CDH10: variants seen among roughly 807,000 people sequenced by gnomAD.
CDH10 encodes cadherin 10.
A neutral mutation model predicts 73.1 loss-of-function variants in CDH10; 30 were observed. The ratio of observed to expected loss-of-function variants is 0.41; its 90% confidence interval spans 0.31 to 0.56. CDH10 has a LOEUF of 0.56. CDH10 is among the 20% of genes least tolerant of loss of function. CDH10 has a pLI of 0.27. For synonymous variants in CDH10, 345 were observed against 348.2 expected (o/e 0.99, Z 0.10); for missense variants, 815 against 973.7 (o/e 0.84, Z 2.17).
rs1431757404 is a variant in CDH10 at position 24,587,600 on chromosome 5, G to A, written c.231+5660C>T. Among the ~76,000 whole-genome samples the A allele has an allele frequency of 5.8e-4, 88 of 152,030 alleles. 1 individual carries two copies. The highest frequency in any genetic ancestry group is 5.8e-3 in the Admixed American group (88 of 15,258). Reference sequence around the variant, plus strand: ...CAAAATTTATGTGAGATTTAATACAGTTTTCATTTACCAAGATTTCTCTTG... The same window carrying A: ...CAAAATTTATGTGAGATTTAATACAATTTTCATTTACCAAGATTTCTCTTG... On this transcript the variant is annotated intron_variant, in intron 2 of 11. Coordinates refer to ENST00000264463, the MANE Select transcript of CDH10 (RefSeq NM_006727.5).
At chr5:24,559,722 T>C (rs1744888403) in intron 2 of CDH10, among the ~76,000 whole-genome samples, 1 of 152,024 alleles carries the variant, frequency 6.6e-6, no homozygotes, top group Admixed American at 6.6e-5. Flanking sequence ...TGATTGAAAA[T>C]GATGCTTTGA....
At chr5:24,505,749 G>A (rs113823852) in intron 7 of CDH10, among the ~76,000 whole-genome samples, 3 of 152,134 alleles carry the variant, frequency 2.0e-5, no homozygotes, top group African/African-American at 7.2e-5. Flanking sequence ...TAACACCCAC[G>A]TAGCTTCAGT....
At chr5:24,594,700 T>A (rs1294140669) in intron 1 of CDH10, among the ~76,000 whole-genome samples, 1 of 151,968 alleles carries the variant, frequency 6.6e-6, no homozygotes, top group Admixed American at 6.6e-5. Context: ...TTCCTGTAGA[T>A]GTTCACTTAG....
chr5:24,552,578 G>A (rs1438177595), intron 2 of CDH10, among the ~76,000 whole-genome samples: 3 of 151,530 alleles, frequency 2.0e-5, no homozygotes, highest in South Asian at 2.1e-4. Flanking sequence ...CATTAATTTC[G>A]AACTTTGTCA....
At chr5:24,626,419 T>C (rs1316026323) in intron 1 of CDH10, among the ~76,000 whole-genome samples, 1 of 152,100 alleles carries the variant, frequency 6.6e-6, no homozygotes, top group Non-Finnish European at 1.5e-5. Context: ...AAAGGGACAA[T>C]AATCACGATG....
chr5:24,541,921 C>G (rs2111913995), intron 2 of CDH10, among the ~76,000 whole-genome samples: 1 of 152,026 alleles, frequency 6.6e-6, no homozygotes, highest in East Asian at 1.9e-4. Flanking sequence ...GTCATTTTCC[C>G]ATTGTTTAAC....
rs377013554 is a variant in CDH10 at position 24,537,678 on chromosome 5, G to A, written c.232-4C>T. The A allele has an allele frequency of 6.4e-7, 1 of 1,558,224 alleles. No homozygotes were observed. The highest frequency in any genetic ancestry group is 8.8e-7 in the Non-Finnish European group (1 of 1,141,770). ...CTTTATCTTGGTCTGAATGTAGCTA[G>A]GGGAAATAAAAAAGAGTATATCCAT... On this transcript the variant is annotated splice_polypyrimidine_tract_variant and splice_region_variant and intron_variant, in intron 2 of 11. Coordinates refer to ENST00000264463, the MANE Select transcript of CDH10 (RefSeq NM_006727.5).
intron 1 of CDH10, among the ~76,000 whole-genome samples, chr5:24,614,806 G>A (rs975458085): frequency 2.2e-4 from 33 of 152,006 alleles, no homozygotes; most frequent in South Asian, 2.1e-4. Flanking sequence ...TGTTTATGTC[G>A]CATTTGCTTC....
chr5:24,626,765 C>T (rs1253114493), intron 1 of CDH10, among the ~76,000 whole-genome samples: 2 of 149,666 alleles, frequency 1.3e-5, no homozygotes, highest in African/African-American at 2.5e-5. Flanking sequence ...CAGAGCAAGA[C>T]TCTGTCTCAA....
intron 2 of CDH10, among the ~76,000 whole-genome samples, chr5:24,586,496 G>A (rs1746003510): frequency 7.0e-6 from 1 of 142,612 alleles, no homozygotes; most frequent in Admixed American, 7.2e-5. Flanking sequence ...CTGGAGTGGT[G>A]CATTGGGGCA....
intron 5 of CDH10, among the ~76,000 whole-genome samples, chr5:24,532,189 T>C (rs553213597): frequency 6.6e-6 from 1 of 152,194 alleles, no homozygotes; most frequent in South Asian, 2.1e-4. Flanking sequence ...TACAGGGAAA[T>C]AATGAATTTG....
chr5:24,635,921 A>G (rs1007783304), intron 1 of CDH10, among the ~76,000 whole-genome samples: 8 of 151,926 alleles, frequency 5.3e-5, no homozygotes, highest in Admixed American at 1.3e-4. Context: ...AATTAGTAAG[A>G]GAATTAGACT....
intron 2 of CDH10, among the ~76,000 whole-genome samples, chr5:24,571,018 G>T (rs74502716): frequency 0.014 from 2,196 of 152,160 alleles, 59 homozygotes; most frequent in African/African-American, 0.05. Flanking sequence ...TCTGGATAAA[G>T]TAGAGGAATG....
At chr5:24,492,059 C>G (rs988874527) in intron 10 of CDH10, among the ~76,000 whole-genome samples, 2 of 152,142 alleles carry the variant, frequency 1.3e-5, no homozygotes. Context: ...TTCCTCAGTA[C>G]TGTTTTCAAA....
chr5:24,598,459 C>A (rs544188437), intron 1 of CDH10, among the ~76,000 whole-genome samples: 1 of 149,370 alleles, frequency 6.7e-6, no homozygotes, highest in South Asian at 2.1e-4. Flanking sequence ...AAGTGTTAAA[C>A]AAGTATTTTT....
intron 2 of CDH10, among the ~76,000 whole-genome samples, chr5:24,592,376 T>G (rs1421411169): frequency 6.6e-6 from 1 of 151,882 alleles, no homozygotes; most frequent in Non-Finnish European, 1.5e-5. Flanking sequence ...GTTAGTCTAC[T>G]TAATTTCCTT....
intron 5 of CDH10, among the ~76,000 whole-genome samples, chr5:24,521,770 A>C (rs1034547914): frequency 1.8e-4 from 27 of 152,194 alleles, no homozygotes; most frequent in African/African-American, 6.3e-4. Flanking sequence ...GGATGGGTTA[A>C]AAAGATTAAC....
At chr5:24,614,390 A>G (rs16893657) in intron 1 of CDH10, among the ~76,000 whole-genome samples, 13,875 of 152,256 alleles carry the variant, frequency 0.091, 843 homozygotes, top group African/African-American at 0.16. Context: ...GCACCCTTTC[A>G]GTGTTATCCA....
chr5:24,512,888 T>C (rs1273012820), intron 5 of CDH10, among the ~76,000 whole-genome samples: 2 of 115,926 alleles, frequency 1.7e-5, no homozygotes, highest in East Asian at 6.0e-4. Flanking sequence ...TCCTATATCA[T>C]TTTGCATTTA....
Sources: gnomAD v4.1 joint callset for allele counts (sites outside exome capture counted in the v4.1 genomes callset) on GRCh38, gnomAD v4.1.1 for gene constraint, MANE v1.5 for transcripts, NCBI Gene and HGNC (gene_info 2026-07-23, HGNC 2026-07-21) for gene names.